The following OPCML variants were observed in gnomAD, a reference collection of about 807,000 sequenced individuals.
OPCML encodes opioid-binding protein/cell adhesion molecule.
In OPCML, 13 loss-of-function variants were observed where a neutral mutation model predicts 37.8. The ratio of observed to expected loss-of-function variants is 0.34; its 90% CI spans 0.22 to 0.55. The LOEUF (loss-of-function observed/expected upper bound fraction) is 0.55, where lower values mean the gene tolerates loss of function less well. Ranked by LOEUF, OPCML falls within the 20% of genes least tolerant of loss-of-function variation. The probability of loss-of-function intolerance (pLI) is 0.91; values close to 1 mark genes in which losing one functional copy is unlikely to be tolerated. For synonymous variants in OPCML, 176 were observed against 168.8 expected (o/e 1.04, Z -0.33); for missense variants, 341 against 435.6 (o/e 0.78, Z 1.93).
chr11:132,688,409 G>A (rs1363674702), intron 2 of OPCML, among the ~76,000 whole-genome samples: 1 of 152,110 alleles, frequency 6.6e-6, no homozygotes, highest in Admixed American at 6.5e-5. Flanking sequence ...GAGACATTGA[G>A]TGTGACCTTG....
At chr11:132,962,789 A>C (rs1404361954) in intron 1 of OPCML, among the ~76,000 whole-genome samples, 8 of 152,138 alleles carry the variant, frequency 5.3e-5, no homozygotes. Context: ...ACTTCACCGC[A>C]TTTGGGTTTT....
At chr11:132,953,176 G>A (rs368729930) in intron 1 of OPCML, among the ~76,000 whole-genome samples, 1 of 152,018 alleles carries the variant, frequency 6.6e-6, no homozygotes, top group African/African-American at 2.4e-5. Context: ...CAAGGTCCCC[G>A]AGAACAGAGT....
chr11:133,119,847 T>C (rs1949394419), intron 1 of OPCML, among the ~76,000 whole-genome samples: 2 of 151,714 alleles, frequency 1.3e-5, no homozygotes, highest in African/African-American at 4.8e-5. Flanking sequence ...GGGAGTGAAG[T>C]GGGCGGTGGA....
At chr11:133,042,016 A>T (rs1022617036) in intron 1 of OPCML, among the ~76,000 whole-genome samples, 121 of 152,270 alleles carry the variant, frequency 7.9e-4, no homozygotes, top group African/African-American at 2.9e-3. Context: ...CATCGAATGC[A>T]TCACTCAGCA....
At chr11:132,484,542 A>G (rs185181548) in intron 4 of OPCML, among the ~76,000 whole-genome samples, 4 of 152,336 alleles carry the variant, frequency 2.6e-5, no homozygotes, top group Admixed American at 2.0e-4. Context: ...TAGCAATACC[A>G]TTTGACCCAG....
intron 1 of OPCML, among the ~76,000 whole-genome samples, chr11:133,464,011 T>C (rs1008519788): frequency 6.6e-6 from 1 of 152,160 alleles, no homozygotes; most frequent in African/African-American, 2.4e-5. Flanking sequence ...GTCCCATTTA[T>C]GCTTTCAACA....
chr11:132,507,498 T>C (rs1279913959), intron 4 of OPCML, among the ~76,000 whole-genome samples: 1 of 151,936 alleles, frequency 6.6e-6, no homozygotes, highest in Non-Finnish European at 1.5e-5. Flanking sequence ...TTAACATAAA[T>C]ATCTATAAAC....
chr11:133,438,066 T>G (rs2136931520), intron 1 of OPCML, among the ~76,000 whole-genome samples: 1 of 151,932 alleles, frequency 6.6e-6, no homozygotes, highest in South Asian at 2.1e-4. Flanking sequence ...ACACTAAAAG[T>G]TATAGTCAAG....
intron 1 of OPCML, among the ~76,000 whole-genome samples, chr11:133,473,283 G>C (rs575725454): frequency 6.6e-6 from 1 of 152,232 alleles, no homozygotes; most frequent in African/African-American, 2.4e-5. Flanking sequence ...CTGAGGATGA[G>C]GAGATGGCCT....
chr11:133,078,164 G>T (rs1286696449), intron 1 of OPCML, among the ~76,000 whole-genome samples: 2 of 152,096 alleles, frequency 1.3e-5, no homozygotes, highest in Non-Finnish European at 2.9e-5. Context: ...ACATACTTGA[G>T]GTGCACACCA....
At chr11:132,594,603 C>T (rs2096489624) in intron 3 of OPCML, among the ~76,000 whole-genome samples, 1 of 152,046 alleles carries the variant, frequency 6.6e-6, no homozygotes, top group Non-Finnish European at 1.5e-5. Context: ...ATATTCATTT[C>T]AGAATGCAAT....
intron 2 of OPCML, among the ~76,000 whole-genome samples, chr11:132,866,053 C>T (rs1175153929): frequency 2.0e-5 from 3 of 151,784 alleles, no homozygotes; most frequent in East Asian, 3.9e-4. Context: ...CCTAGCCATC[C>T]TTCTCTCTTC....
At chr11:132,745,350 A>AC (rs1945579174) in intron 2 of OPCML, among the ~76,000 whole-genome samples, 1 of 152,144 alleles carries the variant, frequency 6.6e-6, no homozygotes, top group Non-Finnish European at 1.5e-5. Flanking sequence ...CGATTAAAAT[A>AC]CTGTTAATGA....
At chr11:132,588,012 C>T (rs970192918) in intron 3 of OPCML, among the ~76,000 whole-genome samples, 3 of 152,096 alleles carry the variant, frequency 2.0e-5, no homozygotes, top group African/African-American at 7.2e-5. Flanking sequence ...CTTGGGGATA[C>T]AGAATGAGTC....
Position 132,573,697 on chromosome 11 carries a change from C to A in OPCML, c.380-44511G>T, listed in dbSNP as rs545071306. Among the ~76,000 whole-genome samples, 125 of 151,910 alleles carry A rather than the reference C, an allele frequency of 8.2e-4. 2 individuals carry two copies. In the South Asian group the frequency reaches 0.025, roughly 31 times the overall value. Reference sequence around the variant, plus strand: ...GAATATTGGCCTATAGTTTTCTTTTCCTGTGGTGTTTATTTGTCTGCTTTA... The same window carrying A: ...GAATATTGGCCTATAGTTTTCTTTTACTGTGGTGTTTATTTGTCTGCTTTA... On this transcript the variant is annotated intron_variant, in intron 3 of 7. Transcript: ENST00000524381.
At chr11:132,568,562 T>C (rs1467799450) in intron 3 of OPCML, among the ~76,000 whole-genome samples, 1 of 152,112 alleles carries the variant, frequency 6.6e-6, no homozygotes, top group Non-Finnish European at 1.5e-5. Flanking sequence ...TGCCGAGTGA[T>C]GACAGAGACA....
chr11:132,631,127 C>T (rs10894594), intron 3 of OPCML, among the ~76,000 whole-genome samples: 118,222 of 151,586 alleles, frequency 0.78, 46,328 homozygotes, highest in African/African-American at 0.82. Context: ...TAGGGAGATA[C>T]GTAATATTTC....
intron 1 of OPCML, among the ~76,000 whole-genome samples, chr11:133,168,305 A>G (rs1950241528): frequency 6.6e-6 from 1 of 152,170 alleles, no homozygotes; most frequent in African/African-American, 2.4e-5. Flanking sequence ...GGTCTCTAGA[A>G]GGTCAGAGGC....
chr11:132,832,804 G>A (rs1940773853), intron 2 of OPCML, among the ~76,000 whole-genome samples: 1 of 152,158 alleles, frequency 6.6e-6, no homozygotes, highest in Admixed American at 6.5e-5. Flanking sequence ...TCACTCCTAG[G>A]CTACAAGCCT....
Sources: allele counts gnomAD v4.1 joint callset (sites outside exome capture counted in the v4.1 genomes callset), GRCh38; gene constraint gnomAD v4.1.1; transcripts MANE v1.5; gene names NCBI Gene and HGNC (gene_info 2026-07-23, HGNC 2026-07-21).